TENM2: variants seen among roughly 807,000 people sequenced by gnomAD.
TENM2 encodes teneurin transmembrane protein 2.
Under a neutral mutation model 245.2 loss-of-function variants are expected in TENM2, and 52 were observed. That is an observed-to-expected ratio of 0.21 (90% CI 0.17 to 0.27). The LOEUF is 0.27. Among genes scored for constraint, TENM2 ranks in the 10% least tolerant of loss-of-function variants. TENM2 has a pLI of 1.00. For missense variants in TENM2, 3,046 were observed against 3,666.8 expected (o/e 0.83, Z 4.37); for synonymous variants, 1,363 against 1,438.9 (o/e 0.95, Z 1.19).
chr5:167,356,973 C>T (rs574280889), intron 1 of TENM2, among the ~76,000 whole-genome samples: 16 of 152,200 alleles, frequency 1.1e-4, no homozygotes, highest in South Asian at 2.1e-4. Context: ...AAAGCTTTTC[C>T]GTGGGTGCCT....
At chr5:167,792,605 A>C (rs1239179378) in intron 2 of TENM2, among the ~76,000 whole-genome samples, 1 of 152,020 alleles carries the variant, frequency 6.6e-6, no homozygotes, top group Admixed American at 6.6e-5. Context: ...AGTTGTGTAC[A>C]TCCTTAAGTT....
In TENM2 at chr5:167,979,135, A is replaced by G. The variant is rs74698225; in HGVS notation, c.948-13809A>G. Among the ~76,000 whole-genome samples, 1,388 of 152,312 alleles carry G rather than the reference A, an allele frequency of 9.1e-3. 23 individuals carry two copies. The highest frequency in any genetic ancestry group is 0.041 in the Middle Eastern group (12 of 294). ...CATCAGGGTAAATGCAACTCTTCAG[A>G]CAGATGTCTTGAAGCACCAAAGATA... On this transcript the variant is annotated intron_variant, in intron 4 of 28. Coordinates refer to ENST00000518659, the Ensembl canonical transcript of TENM2.
intron 2 of TENM2, among the ~76,000 whole-genome samples, chr5:167,714,352 C>G (rs141387815): frequency 1.3e-5 from 2 of 152,324 alleles, no homozygotes; most frequent in East Asian, 3.9e-4. Flanking sequence ...TGGGTTTACC[C>G]TTCCCTATAG....
At chr5:168,103,640 A>G (rs2152293371) in intron 9 of TENM2, among the ~76,000 whole-genome samples, 1 of 152,320 alleles carries the variant, frequency 6.6e-6, no homozygotes, top group African/African-American at 2.4e-5. Flanking sequence ...TCCTCAGTGC[A>G]TTACATCAGA....
the TENM2 span, among the ~76,000 whole-genome samples, chr5:167,049,136 A>G: frequency 1.3e-5 from 2 of 152,174 alleles, no homozygotes; most frequent in African/African-American, 4.8e-5. Context: ...CTATCATGCG[A>G]CCCTAACAAT....
At chr5:167,011,530 C>T in the TENM2 span, among the ~76,000 whole-genome samples, 5 of 152,286 alleles carry the variant, frequency 3.3e-5, no homozygotes, top group Admixed American at 6.5e-5. Context: ...GTGTTCTTTG[C>T]GTACTTGATG....
At chr5:168,036,156 T>C (rs1338610373) in intron 5 of TENM2, among the ~76,000 whole-genome samples, 1 of 152,084 alleles carries the variant, frequency 6.6e-6, no homozygotes, top group Non-Finnish European at 1.5e-5. Context: ...CGGCATGGGA[T>C]CATAAGCCAT....
At chr5:167,165,806 A>G in the TENM2 span, among the ~76,000 whole-genome samples, 1 of 152,334 alleles carries the variant, frequency 6.6e-6, no homozygotes. Context: ...CTTTTATAAA[A>G]GTTTATGTCT....
In TENM2 at chr5:167,594,606, A is replaced by G. The variant is rs372865611; in HGVS notation, c.502+219133A>G. Among the ~76,000 whole-genome samples, 317 of 152,340 alleles carry G rather than the reference A, an allele frequency of 2.1e-3. 15 individuals are homozygous for G. In the South Asian group the frequency reaches 0.062, roughly 30 times the overall value. ...ATGTTTTTATTTGTTAAAAAGAGCA[A>G]TCTTTAAAGCCTAGAATCAGAATTG... On this transcript the variant is annotated intron_variant, in intron 2 of 28. Coordinates refer to ENST00000518659, the Ensembl canonical transcript of TENM2.
chr5:168,016,326 C>A (rs891688493), intron 5 of TENM2, among the ~76,000 whole-genome samples: 1 of 152,226 alleles, frequency 6.6e-6, no homozygotes, highest in African/African-American at 2.4e-5. Context: ...GTCCCCAACG[C>A]CCTTCAACTC....
the TENM2 span, among the ~76,000 whole-genome samples, chr5:167,081,843 T>C: frequency 2.6e-5 from 4 of 152,352 alleles, no homozygotes; most frequent in Non-Finnish European, 5.9e-5. Context: ...TCTGTTGTTT[T>C]TCCTACTTAC....
chr5:167,652,465 A>G (rs1208841252), intron 2 of TENM2, among the ~76,000 whole-genome samples: 1 of 152,116 alleles, frequency 6.6e-6, no homozygotes, highest in Non-Finnish European at 1.5e-5. Context: ...CTATAGCTCC[A>G]AATATGTGCT....
chr5:166,986,086 G>A, the TENM2 span, among the ~76,000 whole-genome samples: 1 of 152,294 alleles, frequency 6.6e-6, no homozygotes, highest in South Asian at 2.1e-4. Flanking sequence ...TGGAAGGATG[G>A]TGGGGTGAGA....
At chr5:168,263,008 G>A (rs1754169871), downstream of TENM2, 1 of 531,614 alleles carries the variant, frequency 1.9e-6, no homozygotes, top group Admixed American at 3.4e-5. Flanking sequence ...GTAGACTAAA[G>A]CCCGGCTGAA....
chr5:168,179,518 T>A (rs1343294155), intron 13 of TENM2, among the ~76,000 whole-genome samples: 1 of 152,214 alleles, frequency 6.6e-6, no homozygotes, highest in Non-Finnish European at 1.5e-5. Context: ...GTACTAGGTA[T>A]GTAAATGGTT....
intron 2 of TENM2, chr5:167,755,216 A>T (rs776149151): frequency 1.3e-6 from 2 of 1,579,740 alleles, no homozygotes; most frequent in Non-Finnish European, 1.7e-6. Context: ...ATGTGCATGC[A>T]GATGGGGTTT....
chr5:168,158,692 C>T (rs985154460), intron 12 of TENM2, among the ~76,000 whole-genome samples: 2 of 150,126 alleles, frequency 1.3e-5, no homozygotes, highest in African/African-American at 4.9e-5. Context: ...TGGCTCATGC[C>T]TGGAGTGCTG....
At chr5:167,477,444 G>A (rs893525400) in intron 2 of TENM2, among the ~76,000 whole-genome samples, 1 of 152,060 alleles carries the variant, frequency 6.6e-6, no homozygotes, top group Non-Finnish European at 1.5e-5. Flanking sequence ...GGGTGGGGGG[G>A]GAGGTCTCAG....
At chr5:167,475,381 A>T (rs955172434) in intron 2 of TENM2, among the ~76,000 whole-genome samples, 2 of 152,306 alleles carry the variant, frequency 1.3e-5, no homozygotes, top group Non-Finnish European at 1.5e-5. Flanking sequence ...CTGAGAAATC[A>T]TGAAAATATT....
Sources: gnomAD v4.1 joint callset for allele counts (sites outside exome capture counted in the v4.1 genomes callset) on GRCh38, gnomAD v4.1.1 for gene constraint, MANE v1.5 for transcripts, NCBI Gene and HGNC (gene_info 2026-07-23, HGNC 2026-07-21) for gene names.